The following KDM6A variants were observed in gnomAD, a reference collection of about 807,000 sequenced individuals.
KDM6A encodes lysine demethylase 6A.
A neutral mutation model predicts 117.6 loss-of-function variants in KDM6A; 11 were observed. The ratio of observed to expected loss-of-function variants is 0.09; its 90% CI spans 0.06 to 0.15. KDM6A has a LOEUF of 0.15. Ranked by LOEUF, KDM6A falls within the 10% of genes least tolerant of loss-of-function variation. KDM6A has a pLI of 1.00. For synonymous variants in KDM6A, 384 were observed against 396.1 expected, an observed-to-expected ratio of 0.97 and a Z score of 0.36; for missense variants, 799 against 1,077.3, an observed-to-expected ratio of 0.74 and a Z score of 3.62.
At chrX:44,909,703 C>T (rs2034961877) in intron 2 of KDM6A, among the ~76,000 whole-genome samples, 1 of 111,830 alleles carries the variant, frequency 8.9e-6, no homozygotes, top group Admixed American at 9.5e-5. Flanking sequence ...ATCTCACAGT[C>T]CAGTTACTGA....
chrX:45,071,244 C>A lies in KDM6A; in HGVS notation c.2858+887C>A, dbSNP rs747218369. On this transcript the variant is annotated intron_variant, in intron 18 of 29. Transcript: ENST00000611820. ...GACATATAGTAGATTTTAAAAAGAT[C>A]TTTTTTTGGTTGTAGATTGTCATGA... 9.7e-4 allele frequency among the ~76,000 whole-genome samples: 108 copies of A among 111,757 alleles called. 1 individual carries two copies. Among genetic ancestry groups the A allele is most frequent in the Non-Finnish European group, 1.7e-3 (92 of 53,111 alleles).
chrX:44,961,003 T>TA (rs2038640623), intron 2 of KDM6A, among the ~76,000 whole-genome samples: 2 of 112,068 alleles, frequency 1.8e-5, no homozygotes, highest in Non-Finnish European at 3.8e-5. Context: ...AACTTATGAA[T>TA]AAAATTATCA....
intron 4 of KDM6A, among the ~76,000 whole-genome samples, chrX:45,008,426 G>A (rs1355289116): frequency 9.0e-6 from 1 of 110,950 alleles, no homozygotes; most frequent in African/African-American, 3.3e-5. Flanking sequence ...TCTATAGTAC[G>A]CTCACTCCAC....
chrX:45,085,251 C>A (rs776911931), intron 24 of KDM6A, among the ~76,000 whole-genome samples: 1 of 111,763 alleles, frequency 8.9e-6, no homozygotes, highest in East Asian at 2.8e-4. Context: ...GTAATGATAT[C>A]TATAATAGCT....
intron 2 of KDM6A, among the ~76,000 whole-genome samples, chrX:44,927,509 A>G (rs182033542): frequency 9.0e-6 from 1 of 110,880 alleles, no homozygotes; most frequent in East Asian, 2.9e-4. Flanking sequence ...ATAAGCTCCC[A>G]CATATTCATG....
chrX:44,891,470 A>G (rs1031549529), intron 2 of KDM6A, among the ~76,000 whole-genome samples: 18 of 111,488 alleles, frequency 1.6e-4, no homozygotes, highest in African/African-American at 5.9e-4. Flanking sequence ...TGGGTTCTCT[A>G]TTATGTTCGA....
intron 8 of KDM6A, among the ~76,000 whole-genome samples, chrX:45,050,403 T>C (rs1428284571): frequency 1.8e-5 from 2 of 112,223 alleles, no homozygotes; most frequent in Non-Finnish European, 3.8e-5. Context: ...ATCTTCCTTA[T>C]GTTAGCGGTG....
At chrX:45,005,006 C>T (rs963937374) in intron 4 of KDM6A, among the ~76,000 whole-genome samples, 1 of 110,711 alleles carries the variant, frequency 9.0e-6, no homozygotes, top group Non-Finnish European at 1.9e-5. Context: ...GTTAAGGGAG[C>T]ATTTACAAAG....
In KDM6A at chrX:44,946,401, T is replaced by A. The variant is rs982863653; in HGVS notation, c.226-14883T>A. Among the ~76,000 whole-genome samples, 3 of 112,173 alleles carry A rather than the reference T, an allele frequency of 2.7e-5. No individual in the cohort carries two copies. The South Asian group carries it at 1.1e-3, about 41-fold the overall frequency. ...CCACTGCACCTGGCCCAGATTTTCC[T>A]CATTAGTATTTTTAAAAACAAATTT... On this transcript the variant is annotated intron_variant, in intron 2 of 29. Transcript: ENST00000611820.
intron 2 of KDM6A, among the ~76,000 whole-genome samples, chrX:44,911,162 G>T (rs1259689826): frequency 2.8e-5 from 3 of 107,658 alleles, no homozygotes; most frequent in African/African-American, 1.0e-4. Flanking sequence ...GCGGCTGGCC[G>T]GGCGGGGGCT....
intron 9 of KDM6A, among the ~76,000 whole-genome samples, chrX:45,053,164 T>C (rs1312762643): frequency 8.9e-6 from 1 of 112,038 alleles, no homozygotes; most frequent in Non-Finnish European, 1.9e-5. Context: ...CTCGGTGTGG[T>C]GGCTCACGCC....
chrX:44,934,254 G>GCTTCA (rs1381982416), intron 2 of KDM6A, among the ~76,000 whole-genome samples: 1 of 111,762 alleles, frequency 8.9e-6, no homozygotes, highest in Non-Finnish European at 1.9e-5. Context: ...GGGGAATGGG[G>GCTTCA]CTTCACTATT....
Position 45,051,803 on chromosome X carries a change from G to C in KDM6A, c.748+1G>C. 9.8e-7 allele frequency: 1 copy of C among 1,019,198 alleles called. No individual in the cohort carries two copies. Among genetic ancestry groups the C allele is most frequent in the Non-Finnish European group, 1.4e-6 (1 of 724,479 alleles). The allele number at this position is 1,019,198 out of a possible 1,213,427, so 84.0% of individuals were successfully genotyped here. On this transcript the variant is annotated splice_donor_variant, in intron 9 of 29. Transcript: ENST00000611820. LOFTEE classifies it high-confidence loss of function. The stretch of plus-strand genomic sequence containing the variant: ...AAAGCAACTGTCTTACAACAGTTAG[G>C]TATGTAATAGTATACATTTAGTGTA...
At chrX:44,922,136 G>A (rs1297724917) in intron 2 of KDM6A, among the ~76,000 whole-genome samples, 3 of 91,880 alleles carry the variant, frequency 3.3e-5, no homozygotes, top group East Asian at 7.5e-4. Flanking sequence ...TCTGCCTCCC[G>A]GGTTTAAGCA....
At chrX:44,941,771 G>A (rs952835486) in intron 2 of KDM6A, among the ~76,000 whole-genome samples, 8 of 110,233 alleles carry the variant, frequency 7.3e-5, no homozygotes, top group Non-Finnish European at 1.3e-4. Flanking sequence ...GAGCCACCGC[G>A]ACTGGCAATT....
intron 5 of KDM6A, 69 bp from the exon 6 acceptor site, chrX:45,020,541 A>G (rs989441464): frequency 9.5e-6 from 10 of 1,056,344 alleles, no homozygotes; most frequent in African/African-American, 5.5e-5. Context: ...AGAAGTTTCA[A>G]TGTACTACCA....
chrX:44,996,325 T>C (rs2040860856), intron 4 of KDM6A, among the ~76,000 whole-genome samples: 1 of 110,047 alleles, frequency 9.1e-6, no homozygotes, highest in South Asian at 4.0e-4. Flanking sequence ...TCCTCTCACA[T>C]TGGCCTCCCA....
rs141763504 is a variant in KDM6A at position 44,976,429 on chromosome X, T to C, written c.384+1714T>C. On this transcript the variant is annotated intron_variant, in intron 4 of 29. Coordinates refer to ENST00000611820, the MANE Select transcript of KDM6A (RefSeq NM_001291415.2). ...GGGGCATTGGTTTCAGGACCCCTCA[T>C]GGATACCAAAATCCATGGATACTCA... Among the ~76,000 whole-genome samples the C allele has an allele frequency of 9.9e-3, 1,100 of 110,913 alleles. 13 individuals are homozygous for C. Among genetic ancestry groups the C allele is most frequent in the African/African-American group, 0.035 (1,061 of 30,425 alleles).
At chrX:44,946,245 C>T (rs1300155198) in intron 2 of KDM6A, among the ~76,000 whole-genome samples, 1 of 111,108 alleles carries the variant, frequency 9.0e-6, no homozygotes, top group Non-Finnish European at 1.9e-5. Context: ...TGCACACCAC[C>T]ATTCCTGGCT....
Sources: allele counts gnomAD v4.1 joint callset (sites outside exome capture counted in the v4.1 genomes callset), GRCh38; gene constraint gnomAD v4.1.1; transcripts MANE v1.5; gene names NCBI Gene and HGNC (gene_info 2026-07-23, HGNC 2026-07-21).